The following TEX261 variants were observed in gnomAD, a reference collection of about 807,000 sequenced individuals.
TEX261 encodes protein TEX261.
Under a neutral mutation model 25.1 loss-of-function variants are expected in TEX261, and 13 were observed. The observed-to-expected ratio is 0.52, with a 90% CI of 0.34 to 0.82. The LOEUF (loss-of-function observed/expected upper bound fraction) is 0.82. TEX261 is among the 40% of genes least tolerant of loss of function. TEX261 has a pLI of 0.02. For missense variants in TEX261, 206 were observed against 243.2 expected, an observed-to-expected ratio of 0.85 and a Z score of 1.02; for synonymous variants, 92 against 97.8, an observed-to-expected ratio of 0.94 and a Z score of 0.35.
At position 70,993,907 on chromosome 2, in the gene TEX261, T is replaced by C. The variant is rs1572943300; in HGVS notation, c.71-132A>G. The stretch of plus-strand genomic sequence containing the variant: ...GGTCAAGAACAAACCAAACATCCCA[T>C]GTGTTGCCCTTCCAAGTCTGGAGAA... On this transcript the variant is annotated intron_variant, in intron 1 of 5. Coordinates refer to ENST00000272438, the MANE Select transcript of TEX261 (RefSeq NM_144582.3). 4.3e-6 allele frequency: 3 copies of C among 698,302 alleles called. No homozygotes were observed. The East Asian group carries it at 7.6e-5, about 18-fold the overall frequency. 43.3% of individuals were successfully genotyped at this position (698,302 alleles called of 1,614,324 possible). A position where few individuals can be genotyped will look rare whatever the true frequency, so the allele number is the denominator to read the frequency against.
chr2:70,991,661 A>G, intron 3 of TEX261, 169 bp downstream of exon 3: 1 of 702,556 alleles, frequency 1.4e-6, no homozygotes, highest in South Asian at 1.9e-5. Context: ...ACTAGAGCCA[A>G]GGTGGGCTCT....
At chr2:70,988,736 A>G (rs782301995) in intron 5 of TEX261, 21 bp from the exon 6 acceptor site, 28 of 1,597,964 alleles carry the variant, frequency 1.8e-5, no homozygotes, top group Admixed American at 1.3e-4. Context: ...ACAGGCAAGA[A>G]TATGAGAGAG....
rs1572941037 is a variant in TEX261, at chr2:70,989,396, T to C, written c.372+353A>G. On this transcript the variant is annotated intron_variant, in intron 4 of 5. Transcript: ENST00000272438. ...GGAGAAATCGTGGGAGAAGAAAACC[T>C]TGGCGGCCACTGGGAAAAGCTGGGG... is the stretch of plus-strand genomic sequence containing the variant. 5 of 408,886 alleles carry C rather than the reference T, an allele frequency of 1.2e-5. No individual in the cohort carries two copies. The East Asian group carries it at 2.5e-4, about 20-fold the overall frequency. The allele number at this position is 408,886 out of a possible 1,614,324, so 25.3% of individuals were successfully genotyped here.
At chr2:70,992,065 G>A (rs1558693869) in intron 2 of TEX261, 82 bp from the exon 3 acceptor site, 2 of 1,381,008 alleles carry the variant, frequency 1.4e-6, no homozygotes, top group African/African-American at 1.5e-5. Flanking sequence ...CCCGCTCTGG[G>A]CAGCACTAGG....
intron 3 of TEX261, 44 bp from the exon 4 acceptor site, chr2:70,989,860 G>A (rs1670268798): frequency 1.4e-6 from 2 of 1,473,740 alleles, no homozygotes; most frequent in African/African-American, 2.8e-5. Flanking sequence ...GGGAATAACA[G>A]AAAGCTGTAC....
At chr2:70,991,534 A>G (rs1325521520) in intron 3 of TEX261, among the ~76,000 whole-genome samples, 4 of 152,186 alleles carry the variant, frequency 2.6e-5, no homozygotes, top group African/African-American at 9.6e-5. Flanking sequence ...GGAACTGCTC[A>G]GTTGGGGGCC....
At chr2:70,990,055 TTATAAAAGTG>T (rs1166182052) in intron 3 of TEX261, among the ~76,000 whole-genome samples, 1 of 152,204 alleles carries the variant, frequency 6.6e-6, no homozygotes. Flanking sequence ...TCTTTGCATG[TTATAAAAGTG>T]AGACTTCTAT....
At chr2:70,991,246 A>G (rs1389244870) in intron 3 of TEX261, among the ~76,000 whole-genome samples, 1 of 152,246 alleles carries the variant, frequency 6.6e-6, no homozygotes, top group African/African-American at 2.4e-5. Flanking sequence ...GAGAGGGCCA[A>G]TGATTCCCCA....
At chr2:70,992,782 T>C (rs1460679044) in intron 2 of TEX261, among the ~76,000 whole-genome samples, 2 of 151,828 alleles carry the variant, frequency 1.3e-5, no homozygotes, top group Non-Finnish European at 2.9e-5. Context: ...CCAACACATA[T>C]ATACATATAT....
chr2:70,993,797 G>A, intron 1 of TEX261, 22 bp from the exon 2 acceptor site: 4 of 1,600,722 alleles, frequency 2.5e-6, no homozygotes, highest in Admixed American at 3.3e-5. Flanking sequence ...GAGGCAGGGA[G>A]ACTATCAGCC....
intron 2 of TEX261, among the ~76,000 whole-genome samples, chr2:70,993,246 G>C (rs1175608773): frequency 6.6e-6 from 1 of 152,262 alleles, no homozygotes; most frequent in Non-Finnish European, 1.5e-5. Flanking sequence ...TGAGACCAGG[G>C]AAGGGCGAGG....
Position 70,988,799 on chromosome 2 carries a change from C to T in TEX261, c.476-84G>A, listed in dbSNP as rs1572940713. ...ATGTGTGTGAACACGGCCCTCCCAA[C>T]CCCGAGTCCAGGTGTCTCCAACACA... On this transcript the variant is annotated intron_variant, in intron 5 of 5. Coordinates refer to ENST00000272438, the MANE Select transcript of TEX261 (RefSeq NM_144582.3). 4 of 1,520,366 alleles carry T rather than the reference C, an allele frequency of 2.6e-6. No homozygotes were observed. The East Asian group carries it at 9.0e-5, about 34-fold the overall frequency. 94.2% of individuals were successfully genotyped at this position (1,520,366 alleles called of 1,614,324 possible).
rs564405554 is a variant in TEX261, at chr2:70,988,519, G to A, written c.*81C>T. ...CAGGGCAGGTGGTAGGTGCCTTCCC[G>A]ACTTCTGGTCCCCACCTGGCATAGA... is the stretch of plus-strand genomic sequence containing the variant. On this transcript the variant is annotated 3_prime_UTR_variant, in exon 6 of 6. Coordinates refer to ENST00000272438, the MANE Select transcript of TEX261 (RefSeq NM_144582.3). 2.2e-4 allele frequency: 250 copies of A among 1,151,112 alleles called. 1 individual carries two copies. In the East Asian group the frequency reaches 4.1e-3, roughly 19 times the overall value. 71.3% of individuals were successfully genotyped at this position (1,151,112 alleles called of 1,614,324 possible).
chr2:70,993,322 A>C (rs1553425846), intron 2 of TEX261, among the ~76,000 whole-genome samples: 1 of 152,258 alleles, frequency 6.6e-6, no homozygotes, highest in Non-Finnish European at 1.5e-5. Context: ...CAATGAACAT[A>C]TATGCAAAAC....
Position 70,994,834 on chromosome 2 carries a change from C to T in TEX261, c.-77G>A. 3 of 1,153,124 alleles carry T rather than the reference C, an allele frequency of 2.6e-6. No individual in the cohort carries two copies. The highest frequency in any genetic ancestry group is 7.3e-5 in the South Asian group (2 of 27,244). 71.4% of individuals were successfully genotyped at this position (1,153,124 alleles called of 1,614,324 possible). On this transcript the variant is annotated 5_prime_UTR_variant, in exon 1 of 6. Coordinates refer to ENST00000272438, the MANE Select transcript of TEX261 (RefSeq NM_144582.3). ...GGCTCCGGCGACACACAGCCGCCACCGCCGCCGCCGCCGCCGCGTCCCCGC... is the reference window on the plus strand; with the variant it reads ...GGCTCCGGCGACACACAGCCGCCACTGCCGCCGCCGCCGCCGCGTCCCCGC...
Position 70,994,868 on chromosome 2 carries a change from C to G in TEX261, c.-111G>C. ...CGCCGCCGCGTCCCCGCCCCGCGGA[C>G]GACAGGACGACGGTGCGCCGCCGCC... On this transcript the variant is annotated 5_prime_UTR_variant, in exon 1 of 6. Coordinates refer to ENST00000272438, the MANE Select transcript of TEX261 (RefSeq NM_144582.3). The G allele has an allele frequency of 8.4e-7, 1 of 1,189,248 alleles. No homozygotes were observed. The highest frequency in any genetic ancestry group is 1.0e-6 in the Non-Finnish European group (1 of 954,870). The allele number at this position is 1,189,248 out of a possible 1,614,324, so 73.7% of individuals were successfully genotyped here.
intron 3 of TEX261, 71 bp downstream of exon 3, chr2:70,991,759 C>T: frequency 6.4e-7 from 1 of 1,557,316 alleles, no homozygotes; most frequent in East Asian, 2.4e-5. Context: ...TCTGTATCCC[C>T]TTTAGTGCCC....
At chr2:70,989,097 A>G (rs1279445435) in intron 4 of TEX261, 80 bp from the exon 5 acceptor site, 2 of 1,236,652 alleles carry the variant, frequency 1.6e-6, no homozygotes, top group African/African-American at 1.5e-5. Context: ...GTGTTGGTCA[A>G]GAGTGCACAG....
chr2:70,993,385 A>G (rs1670341612), intron 2 of TEX261, among the ~76,000 whole-genome samples: 1 of 152,258 alleles, frequency 6.6e-6, no homozygotes, highest in African/African-American at 2.4e-5. Context: ...AAAGGGCTAA[A>G]GACAGCGGGA....
Sources: gnomAD v4.1 joint callset for allele counts (sites outside exome capture counted in the v4.1 genomes callset) on GRCh38, gnomAD v4.1.1 for gene constraint, MANE v1.5 for transcripts, NCBI Gene and HGNC (gene_info 2026-07-23, HGNC 2026-07-21) for gene names.